FRMD4B: variants seen among roughly 807,000 people sequenced by gnomAD.
FRMD4B encodes the protein FERM domain-containing protein 4B.
FRMD4B carries 74 observed loss-of-function variants against 141.5 expected under a neutral mutation model. The ratio of observed to expected loss-of-function variants is 0.52; its 90% CI spans 0.43 to 0.63. FRMD4B has a LOEUF of 0.63. Ranked by LOEUF, FRMD4B falls within the 30% of genes least tolerant of loss-of-function variation. The pLI is 0.00. For missense variants in FRMD4B, 1,366 were observed against 1,253.4 expected, an observed-to-expected ratio of 1.09 and a Z score of -1.36; for synonymous variants, 506 against 467.9, an observed-to-expected ratio of 1.08 and a Z score of -1.05.
intron 1 of FRMD4B, among the ~76,000 whole-genome samples, chr3:69,478,864 ACTTG>A (rs926241441): frequency 1.4e-4 from 22 of 151,758 alleles, no homozygotes; most frequent in Non-Finnish European, 3.2e-4. Flanking sequence ...GTCACTCAGG[ACTTG>A]CTTTATGAAT....
chr3:69,472,276 T>C, intron 1 of FRMD4B: 1 of 387,526 alleles, frequency 2.6e-6, no homozygotes, highest in Non-Finnish European at 5.1e-6. Flanking sequence ...TGGCTGTTGT[T>C]TATGTCTGAT....
chr3:69,370,606 C>T (rs1703797613), intron 1 of FRMD4B, among the ~76,000 whole-genome samples: 1 of 152,228 alleles, frequency 6.6e-6, no homozygotes, highest in African/African-American at 2.4e-5. Flanking sequence ...AGAATAAACC[C>T]ACACATACAA....
At chr3:69,202,886 A>G (rs1368521294) in intron 11 of FRMD4B, among the ~76,000 whole-genome samples, 2 of 152,172 alleles carry the variant, frequency 1.3e-5, no homozygotes, top group Non-Finnish European at 2.9e-5. Context: ...GAGCAGCATA[A>G]ATAACATTAA....
At chr3:69,308,801 T>C (rs1009582194) in intron 3 of FRMD4B, among the ~76,000 whole-genome samples, 2 of 152,044 alleles carry the variant, frequency 1.3e-5, no homozygotes, top group African/African-American at 2.4e-5. Flanking sequence ...CTCAGGACTT[T>C]TGCACTGGTT....
At chr3:69,217,446 C>A (rs1324371172) in intron 10 of FRMD4B, among the ~76,000 whole-genome samples, 6 of 152,086 alleles carry the variant, frequency 3.9e-5, no homozygotes, top group African/African-American at 7.2e-5. Flanking sequence ...CATGGTGAAA[C>A]CCCATCTCCA....
At chr3:69,229,319 G>C (rs756509940) in intron 7 of FRMD4B, among the ~76,000 whole-genome samples, 1 of 151,870 alleles carries the variant, frequency 6.6e-6, no homozygotes, top group Non-Finnish European at 1.5e-5. Context: ...AGCCACCATG[G>C]CCAGCCCCCC....
chr3:69,431,830 T>C (rs1341329490), intron 2 of FRMD4B, among the ~76,000 whole-genome samples: 1 of 152,226 alleles, frequency 6.6e-6, no homozygotes, highest in Non-Finnish European at 1.5e-5. Context: ...AGACATAAAA[T>C]GCTGTTCCTA....
intron 9 of FRMD4B, among the ~76,000 whole-genome samples, chr3:69,220,893 A>G (rs1361627863): frequency 6.6e-6 from 1 of 152,176 alleles, no homozygotes; most frequent in East Asian, 1.9e-4. Context: ...AGTGTGAGGA[A>G]AATCTACAAT....
chr3:69,510,925 A>G (rs1706676246), intron 1 of FRMD4B, among the ~76,000 whole-genome samples: 1 of 152,240 alleles, frequency 6.6e-6, no homozygotes, highest in South Asian at 2.1e-4. Flanking sequence ...ACATTCTTAT[A>G]GTTGACCAAT....
intron 1 of FRMD4B, chr3:69,536,546 G>T: frequency 1.4e-6 from 1 of 700,878 alleles, no homozygotes; most frequent in South Asian, 1.5e-5. Context: ...GTGGGGAATA[G>T]GGGGGATGGT....
At chr3:69,304,060 A>T (rs1701308322) in intron 3 of FRMD4B, among the ~76,000 whole-genome samples, 1 of 148,700 alleles carries the variant, frequency 6.7e-6, no homozygotes, top group Admixed American at 6.7e-5. Context: ...TAGGAGGCTG[A>T]GTTGGGAGGA....
intron 5 of FRMD4B, among the ~76,000 whole-genome samples, chr3:69,287,421 G>C (rs181818135): frequency 3.3e-5 from 5 of 152,138 alleles, no homozygotes; most frequent in African/African-American, 1.2e-4. Flanking sequence ...TATTTAAAAA[G>C]ATTTCTGGCC....
At chr3:69,228,175 A>C (rs2093272244) in intron 7 of FRMD4B, among the ~76,000 whole-genome samples, 1 of 152,218 alleles carries the variant, frequency 6.6e-6, no homozygotes, top group Non-Finnish European at 1.5e-5. Context: ...CCTCAACAAC[A>C]AAGGATGATC....
chr3:69,479,467 G>A (rs1159196184), intron 1 of FRMD4B, among the ~76,000 whole-genome samples: 1 of 152,012 alleles, frequency 6.6e-6, no homozygotes, highest in East Asian at 1.9e-4. Flanking sequence ...CACTTATGAA[G>A]CTTAGTTTGG....
intron 2 of FRMD4B, 70 bp from the exon 3 acceptor site, chr3:69,311,427 C>A: frequency 2.9e-6 from 2 of 696,348 alleles, no homozygotes; most frequent in Middle Eastern, 2.4e-4. Flanking sequence ...CTTCCTCTGC[C>A]CTAAATAATT....
intron 2 of FRMD4B, among the ~76,000 whole-genome samples, chr3:69,402,562 T>C (rs1297595923): frequency 9.8e-5 from 15 of 152,288 alleles, no homozygotes; most frequent in African/African-American, 3.4e-4. Flanking sequence ...GGATGTTTTG[T>C]TTATCTTTGT....
At chr3:69,333,435 AC>A (rs1177617075) in intron 1 of FRMD4B, among the ~76,000 whole-genome samples, 1 of 152,166 alleles carries the variant, frequency 6.6e-6, no homozygotes, top group Admixed American at 6.5e-5. Flanking sequence ...GAGCCAGATC[AC>A]CCCCAGATTT....
intron 1 of FRMD4B, among the ~76,000 whole-genome samples, chr3:69,485,905 C>A (rs1290616621): frequency 6.6e-6 from 1 of 152,262 alleles, no homozygotes; most frequent in Non-Finnish European, 1.5e-5. Flanking sequence ...CCAGAAGGCC[C>A]ATCGCTGCCA....
intron 2 of FRMD4B, among the ~76,000 whole-genome samples, chr3:69,407,282 T>C (rs1216382840): frequency 2.0e-5 from 3 of 152,132 alleles, no homozygotes; most frequent in East Asian, 1.9e-4. Flanking sequence ...AAAGAAATAA[T>C]GTAATGTAAG....
Sources: gnomAD v4.1 joint callset for allele counts (sites outside exome capture counted in the v4.1 genomes callset) on GRCh38, gnomAD v4.1.1 for gene constraint, MANE v1.5 for transcripts, NCBI Gene and HGNC (gene_info 2026-07-23, HGNC 2026-07-21) for gene names.